PRKN: variants seen among roughly 807,000 people sequenced by gnomAD.
PRKN encodes the protein parkin RBR E3 ubiquitin protein ligase, also known as E3 ubiquitin-protein ligase parkin.
Under a neutral mutation model 59.5 loss-of-function variants are expected in PRKN, and 56 were observed. The observed-to-expected ratio is 0.94, with a 90% CI of 0.76 to 1.18. The LOEUF is 1.18. Among genes scored for constraint, PRKN ranks in the 50% most tolerant of loss-of-function variants. The pLI, the probability that PRKN is intolerant of heterozygous loss-of-function variation, is 0.00. For missense variants in PRKN, 657 were observed against 596.4 expected, an observed-to-expected ratio of 1.10 and a Z score of -1.06; for synonymous variants, 250 against 222.1, an observed-to-expected ratio of 1.13 and a Z score of -1.12.
chr6:161,917,031 T>C (rs948163009), intron 6 of PRKN, among the ~76,000 whole-genome samples: 4 of 152,098 alleles, frequency 2.6e-5, no homozygotes, highest in Non-Finnish European at 5.9e-5. Context: ...CTTGATCTCC[T>C]GACCTCGTGA....
intron 7 of PRKN, among the ~76,000 whole-genome samples, chr6:161,635,614 G>A (rs79403850): frequency 0.02 from 3,043 of 152,266 alleles, 43 homozygotes; most frequent in South Asian, 0.055. Context: ...AAAGAATCCC[G>A]GATTTTATGC....
chr6:162,391,412 G>A (rs775754634), intron 2 of PRKN, among the ~76,000 whole-genome samples: 3 of 151,280 alleles, frequency 2.0e-5, no homozygotes, highest in Non-Finnish European at 4.4e-5. Context: ...CATCTGCAAT[G>A]ACTTCCTCCT....
At chr6:162,532,294 T>C (rs747763202) in intron 1 of PRKN, among the ~76,000 whole-genome samples, 2 of 152,230 alleles carry the variant, frequency 1.3e-5, no homozygotes, top group Non-Finnish European at 2.9e-5. Context: ...TTATGATATA[T>C]GCACGCACAC....
At chr6:161,967,299 C>T (rs182553951) in intron 6 of PRKN, among the ~76,000 whole-genome samples, 3 of 152,264 alleles carry the variant, frequency 2.0e-5, no homozygotes, top group African/African-American at 7.2e-5. Context: ...TTGCAGACTT[C>T]ATCTTTGATT....
chr6:162,362,445 G>C (rs1785193104), intron 2 of PRKN, among the ~76,000 whole-genome samples: 1 of 152,034 alleles, frequency 6.6e-6, no homozygotes, highest in South Asian at 2.1e-4. Context: ...GGGGTGGGAG[G>C]TGGCGGACAC....
intron 7 of PRKN, among the ~76,000 whole-genome samples, chr6:161,745,048 A>G (rs1250141970): frequency 1.3e-5 from 2 of 152,208 alleles, no homozygotes; most frequent in East Asian, 3.9e-4. Flanking sequence ...GCAATGGAGC[A>G]GGATTGGAAC....
intron 7 of PRKN, among the ~76,000 whole-genome samples, chr6:161,687,642 A>AGACGG (rs139044587): frequency 0.077 from 11,718 of 151,378 alleles, 575 homozygotes; most frequent in South Asian, 0.11. Context: ...TTTTTAATAG[A>AGACGG]GACGGGGTGT....
At chr6:162,500,966 G>C (rs1256162234) in intron 1 of PRKN, among the ~76,000 whole-genome samples, 2 of 152,112 alleles carry the variant, frequency 1.3e-5, no homozygotes, top group African/African-American at 4.8e-5. Context: ...GGGAGTTTGA[G>C]AACAGCTTGG....
At chr6:161,971,312 T>C (rs533501318) in intron 6 of PRKN, among the ~76,000 whole-genome samples, 3 of 152,192 alleles carry the variant, frequency 2.0e-5, no homozygotes, top group Non-Finnish European at 4.4e-5. Context: ...GATAATACCA[T>C]CATCACCACA....
At chr6:162,608,299 G>C (rs899734367) in intron 1 of PRKN, among the ~76,000 whole-genome samples, 8 of 152,210 alleles carry the variant, frequency 5.3e-5, no homozygotes, top group African/African-American at 1.9e-4. Context: ...GGGGTTGAAA[G>C]CGTAAGCTGG....
rs1789287670 is a variant in PRKN at position 161,442,609 on chromosome 6, G to A, written c.1084-55732C>T. ...TGCTTGTATCTAAGGTGGCGACCTG[G>A]ACCAAGGGTGGCCTTCGCTGTCTTG... On this transcript the variant is annotated intron_variant, in intron 9 of 11. Coordinates refer to ENST00000366898, the MANE Select transcript of PRKN (RefSeq NM_004562.3). The surrounding 1 kb of genome is among the most constrained non-coding windows in gnomAD (Gnocchi z 4.6). Among the ~76,000 whole-genome samples the A allele has an allele frequency of 6.6e-6, 1 of 152,198 alleles. No individual in the cohort carries two copies. Among genetic ancestry groups the A allele is most frequent in the Non-Finnish European group, 1.5e-5 (1 of 68,038 alleles).
rs571847285 is a variant in PRKN, at chr6:161,394,357, C to T, written c.1084-7480G>A. Among the ~76,000 whole-genome samples, 74 of 152,024 alleles carry T rather than the reference C, an allele frequency of 4.9e-4. 1 individual carries two copies. Among genetic ancestry groups the T allele is most frequent in the Admixed American group, 9.2e-4 (14 of 15,270 alleles). On this transcript the variant is annotated intron_variant, in intron 9 of 11. Coordinates refer to ENST00000366898, the MANE Select transcript of PRKN (RefSeq NM_004562.3). The stretch of plus-strand genomic sequence containing the variant: ...GCTGGATACAGCTCTGTAGAGTACC[C>T]ACGTTCCTTTGTCTTTCACAAATTC...
intron 1 of PRKN, among the ~76,000 whole-genome samples, chr6:162,511,485 T>C (rs1424703434): frequency 6.6e-6 from 1 of 152,188 alleles, no homozygotes; most frequent in Non-Finnish European, 1.5e-5. Context: ...ACAGTTTTCA[T>C]GTGATTTAGA....
At chr6:161,711,530 G>A (rs1279727311) in intron 7 of PRKN, among the ~76,000 whole-genome samples, 1 of 152,196 alleles carries the variant, frequency 6.6e-6, no homozygotes, top group Non-Finnish European at 1.5e-5. Context: ...TGGCAGAAAG[G>A]AGAAATTTAG....
At chr6:162,140,138 G>T (rs1168876092) in intron 4 of PRKN, among the ~76,000 whole-genome samples, 1 of 152,150 alleles carries the variant, frequency 6.6e-6, no homozygotes, top group Non-Finnish European at 1.5e-5. Flanking sequence ...TTGATAATAT[G>T]ATTCTGAACA....
At chr6:161,800,418 C>T (rs1358892461) in intron 6 of PRKN, among the ~76,000 whole-genome samples, 3 of 152,186 alleles carry the variant, frequency 2.0e-5, no homozygotes, top group Non-Finnish European at 2.9e-5. Flanking sequence ...GGAAATGAAC[C>T]CTTTCTGGTT....
intron 1 of PRKN, among the ~76,000 whole-genome samples, chr6:162,514,463 G>A (rs1371773812): frequency 6.6e-6 from 1 of 152,182 alleles, no homozygotes; most frequent in Non-Finnish European, 1.5e-5. Context: ...AACACAACTG[G>A]CTAGCTTTTA....
chr6:161,638,013 C>T (rs1225164678), intron 7 of PRKN, among the ~76,000 whole-genome samples: 1 of 152,160 alleles, frequency 6.6e-6, no homozygotes, highest in East Asian at 1.9e-4. Flanking sequence ...TTTTCTATCC[C>T]CTTATTGGGC....
At chr6:161,934,184 C>A (rs1213339293) in intron 6 of PRKN, among the ~76,000 whole-genome samples, 2 of 152,198 alleles carry the variant, frequency 1.3e-5, no homozygotes, top group Non-Finnish European at 2.9e-5. Context: ...TCCCCTTTCC[C>A]TCAGCACTTC....
Sources: gnomAD v4.1 joint callset for allele counts (sites outside exome capture counted in the v4.1 genomes callset) on GRCh38, gnomAD v4.1.1 for gene constraint, Gnocchi (gnomAD v3.1) non-coding constraint, MANE v1.5 for transcripts, NCBI Gene and HGNC (gene_info 2026-07-23, HGNC 2026-07-21) for gene names.